SECISBP2L: variants seen among roughly 807,000 people sequenced by gnomAD.
The protein encoded by SECISBP2L is selenocysteine insertion sequence-binding protein 2-like.
A neutral mutation model predicts 114.7 loss-of-function variants in SECISBP2L; 43 were observed. The ratio of observed to expected loss-of-function variants is 0.38; its 90% CI spans 0.29 to 0.48. SECISBP2L has a LOEUF of 0.48. Among genes scored for constraint, SECISBP2L ranks in the 20% least tolerant of loss-of-function variants. The probability of loss-of-function intolerance (pLI) is 0.98; values close to 1 mark genes in which losing one functional copy is unlikely to be tolerated. For synonymous variants in SECISBP2L, 451 were observed against 439.7 expected (o/e 1.03, Z -0.32); for missense variants, 1,136 against 1,301.1 (o/e 0.87, Z 1.95).
Position 49,014,156 on chromosome 15 carries a change from A to C in SECISBP2L, c.1562-1339T>G, listed in dbSNP as rs548684926. Among the ~76,000 whole-genome samples, 6 of 152,076 alleles carry C rather than the reference A, an allele frequency of 3.9e-5. No homozygotes were observed. In the East Asian group the frequency reaches 1.2e-3, roughly 29 times the overall value. ...TGCAATTGCCAAATACAATTCTCTG[A>C]CTCTTCACTCTACTCTAATTTTCTT... is the stretch of plus-strand genomic sequence containing the variant. On this transcript the variant is annotated intron_variant, in intron 11 of 17. Transcript: ENST00000559471.
chr15:49,033,845 C>G (rs1275728660), intron 3 of SECISBP2L, among the ~76,000 whole-genome samples: 1 of 151,796 alleles, frequency 6.6e-6, no homozygotes, highest in East Asian at 1.9e-4. Flanking sequence ...ATCAATCAAT[C>G]AATCAATATT....
At chr15:49,046,162 G>A (rs1015827548) in intron 1 of SECISBP2L, 114 bp downstream of exon 1, 12 of 1,228,052 alleles carry the variant, frequency 9.8e-6, no homozygotes, top group Admixed American at 9.0e-5. Flanking sequence ...AGGTGAGGGG[G>A]TCTGCGGCCG....
At chr15:49,025,084 G>A (rs1014022508) in intron 7 of SECISBP2L, among the ~76,000 whole-genome samples, 4 of 152,088 alleles carry the variant, frequency 2.6e-5, no homozygotes, top group African/African-American at 7.2e-5. Context: ...ATTTCAGCCC[G>A]TATGTAAATA....
chr15:49,029,581 T>C (rs1485342150), intron 4 of SECISBP2L, among the ~76,000 whole-genome samples: 1 of 148,920 alleles, frequency 6.7e-6, no homozygotes, highest in African/African-American at 2.4e-5. Flanking sequence ...TGTTTTGGAG[T>C]TTTGCTACTA....
At chr15:49,003,688 T>G (rs931293461) in intron 14 of SECISBP2L, among the ~76,000 whole-genome samples, 4 of 152,228 alleles carry the variant, frequency 2.6e-5, no homozygotes, top group African/African-American at 9.6e-5. Flanking sequence ...CTGCATCTAC[T>G]GAGATAATCA....
intron 6 of SECISBP2L, among the ~76,000 whole-genome samples, chr15:49,027,704 G>A (rs1398095421): frequency 6.6e-6 from 1 of 151,770 alleles, no homozygotes; most frequent in Non-Finnish European, 1.5e-5. Context: ...CGCCTCCCGG[G>A]TTCAAGCAAT....
At position 49,028,519 on chromosome 15, in the gene SECISBP2L, A is replaced by G; in HGVS notation, c.828T>C (p.Ser276=). The G allele has an allele frequency of 6.2e-7, 1 of 1,614,116 alleles. No individual in the cohort carries two copies. Among genetic ancestry groups the G allele is most frequent in the Non-Finnish European group, 8.5e-7 (1 of 1,180,014 alleles). Residue 276 remains serine (S), a synonymous_variant, in exon 5 of 18, where the codon AGT becomes AGC. Transcript: ENST00000559471. ...CAGGCTGGTTGTTGCTGTGTTTGGG[A>G]CTGCAGTAACCACTATCACTGTCAA... ...ADIDSDSGYC[S]PKHSNNQPAA... is the part of the protein sequence containing the mutation.
intron 17 of SECISBP2L, chr15:48,995,790 A>G (rs961364029): frequency 6.6e-6 from 1 of 152,360 alleles, no homozygotes; most frequent in African/African-American, 2.4e-5. Context: ...CTTGATTACA[A>G]TCAGACTACT....
intron 7 of SECISBP2L, 71 bp downstream of exon 7, chr15:49,027,294 C>T (rs994715315): frequency 2.8e-6 from 3 of 1,077,730 alleles, no homozygotes; most frequent in African/African-American, 3.1e-5. Flanking sequence ...TCCACTACAC[C>T]ACTGTAACTA....
chr15:49,003,158 T>C lies in SECISBP2L; in HGVS notation c.2028-2061A>G, dbSNP rs1001725711. Among the ~76,000 whole-genome samples the C allele has an allele frequency of 2.0e-5, 3 of 151,880 alleles. No individual in the cohort carries two copies. The East Asian group carries it at 5.8e-4, about 29-fold the overall frequency. The stretch of plus-strand genomic sequence containing the variant: ...TGGTTTGTAATTCTCCTTGAAGAGT[T>C]CCTTCACATCCCTTGTAAGTTGGAT... On this transcript the variant is annotated intron_variant, in intron 14 of 17. Coordinates refer to ENST00000559471, the MANE Select transcript of SECISBP2L (RefSeq NM_001193489.2).
chr15:48,992,240 T>A lies in SECISBP2L; in HGVS notation c.*4A>T. On this transcript the variant is annotated 3_prime_UTR_variant, in exon 18 of 18. Transcript: ENST00000559471. ...CTGGAGATAGAGAGCCGACATTTCC[T>A]GAGTTACGTAGTTTGCGTTGTGTAA... 6.3e-7 allele frequency: 1 copy of A among 1,584,438 alleles called. No individual in the cohort carries two copies. Among genetic ancestry groups the A allele is most frequent in the South Asian group, 1.1e-5 (1 of 88,604 alleles).
rs752466722 is a variant in SECISBP2L, at chr15:49,005,560, CTTTTTTTTTTTT to C, written c.2027+3644_2027+3655del. Among the ~76,000 whole-genome samples, 20 of 36,786 alleles carry C rather than the reference CTTTTTTTTTTTT, an allele frequency of 5.4e-4. 1 individual carries two copies. Among genetic ancestry groups the C allele is most frequent in the East Asian group, 5.0e-3 (5 of 1,008 alleles). 24.1% of individuals were successfully genotyped at this position (36,786 alleles called of 152,430 possible). A position where few individuals can be genotyped will look rare whatever the true frequency, so the allele number is the denominator to read the frequency against. ...TCAGAGACTAGAATTGCAACCCCTG[CTTTTTTTTTTTT>C]TTTTTTTTTTTTTTTTGCTTTCCAT... On this transcript the variant is annotated intron_variant, in intron 14 of 17. Coordinates refer to ENST00000559471, the MANE Select transcript of SECISBP2L (RefSeq NM_001193489.2).
chr15:49,028,687 A>C lies in SECISBP2L; in HGVS notation c.665-5T>G, dbSNP rs774929766. On this transcript the variant is annotated splice_polypyrimidine_tract_variant and splice_region_variant and intron_variant, in intron 4 of 17. Transcript: ENST00000559471. Reference sequence around the variant, plus strand: ...TAGCGATATCTGATGGGAAATCTACAAAGGCAAGGAAAGTTTGACAATTCT... The same window carrying C: ...TAGCGATATCTGATGGGAAATCTACCAAGGCAAGGAAAGTTTGACAATTCT... 15 of 1,604,974 alleles carry C rather than the reference A, an allele frequency of 9.3e-6. No homozygotes were observed. The South Asian group carries it at 1.5e-4, about 16-fold the overall frequency.
chr15:48,993,100 AGT>A (rs71120653), intron 17 of SECISBP2L, among the ~76,000 whole-genome samples, 174 bp from the exon 18 acceptor site: 9,408 of 138,834 alleles, frequency 0.068, 325 homozygotes, highest in Non-Finnish European at 0.087. Flanking sequence ...ACAGAGAGAG[AGT>A]GTGTGTGTGT....
In SECISBP2L at chr15:48,999,942, TCCC is replaced by T; in HGVS notation, c.2291_2293del (p.Arg764_Glu765delinsGln). On this transcript the variant is annotated inframe_deletion, in exon 16 of 18. Coordinates refer to ENST00000559471, the MANE Select transcript of SECISBP2L (RefSeq NM_001193489.2). Reference sequence around the variant, plus strand: ...GGCAAACACAAAAGGAATTTCTTGTTCCCGTGCCATGGCTATAACATTATAGAG... The same window carrying T: ...GGCAAACACAAAAGGAATTTCTTGTTGTGCCATGGCTATAACATTATAGAG... The T allele has an allele frequency of 6.2e-7, 1 of 1,613,984 alleles. No homozygotes were observed. The highest frequency in any genetic ancestry group is 8.5e-7 in the Non-Finnish European group (1 of 1,179,912).
intron 7 of SECISBP2L, 199 bp from the exon 8 acceptor site, chr15:49,019,751 C>T: frequency 2.4e-6 from 1 of 408,172 alleles, no homozygotes; most frequent in East Asian, 3.9e-5. Context: ...GACAATTAAT[C>T]CACATTGCTT....
intron 7 of SECISBP2L, among the ~76,000 whole-genome samples, chr15:49,023,748 A>C (rs1902687177): frequency 1.3e-5 from 2 of 152,230 alleles, no homozygotes; most frequent in African/African-American, 4.8e-5. Flanking sequence ...AATGTCTCCA[A>C]GATACACTGT....
chr15:49,021,571 G>A (rs1902640261), intron 7 of SECISBP2L, among the ~76,000 whole-genome samples: 1 of 152,156 alleles, frequency 6.6e-6, no homozygotes, highest in Non-Finnish European at 1.5e-5. Context: ...GAAGGTGCTG[G>A]TACACAGGCC....
At position 49,027,477 on chromosome 15, in the gene SECISBP2L, C is replaced by G. The variant is rs1902768256; in HGVS notation, c.923G>C (p.Gly308Ala). 1 of 1,529,158 alleles carries G rather than the reference C, an allele frequency of 6.5e-7. No individual in the cohort carries two copies. Among genetic ancestry groups the G allele is most frequent in the Non-Finnish European group, 8.9e-7 (1 of 1,124,620 alleles). 94.7% of individuals were successfully genotyped at this position (1,529,158 alleles called of 1,614,324 possible). A position where few individuals can be genotyped will look rare whatever the true frequency, so the allele number is the denominator to read the frequency against. The change falls in exon 7 of 18, where the codon GGT (glycine) becomes GCT (alanine). Residue 308 changes from glycine (G) to alanine (A), a missense_variant. Around this residue, in one of 2 missense-constraint regions of SECISBP2L, gnomAD observed 452 missense variants for 452.3 expected, o/e 1.00. Coordinates refer to ENST00000559471, the MANE Select transcript of SECISBP2L (RefSeq NM_001193489.2). ...GCAAGTTACATTGGACCAATTTACA[C>G]CACCTATAACAAATGAAATTTTAAA... Reference protein sequence around the residue: ...NHVESSMCAGGVNWSNVTCQA... With the variant: ...NHVESSMCAGAVNWSNVTCQA...
Sources: allele counts gnomAD v4.1 joint callset (sites outside exome capture counted in the v4.1 genomes callset), GRCh38; gene constraint gnomAD v4.1.1; regional missense constraint gnomAD v4.1.1; transcripts MANE v1.5; gene names NCBI Gene and HGNC (gene_info 2026-07-23, HGNC 2026-07-21).